The following CNR2 variants were observed in gnomAD, a reference collection of about 807,000 sequenced individuals.
CNR2 encodes cannabinoid receptor 2.
For synonymous variants in CNR2, 172 were observed against 182.2 expected, an observed-to-expected ratio of 0.94 and a Z score of 0.45; for missense variants, 379 against 439.9, an observed-to-expected ratio of 0.86 and a Z score of 1.24.
chr1:23,902,788 C>CTA, intron 1 of CNR2: 1 of 1,422,706 alleles, frequency 7.0e-7, no homozygotes, highest in Non-Finnish European at 9.1e-7. Context: ...GTGTGGGCTG[C>CTA]GCGGGCGCGG....
At position 23,902,200 on chromosome 1, in the gene CNR2, G is replaced by A. The variant is rs145253736; in HGVS notation, c.-46+11046C>T. 339 of 1,349,520 alleles carry A rather than the reference G, an allele frequency of 2.5e-4. No individual in the cohort carries two copies. In the African/African-American group the frequency reaches 3.7e-3, roughly 15 times the overall value. 83.6% of individuals were successfully genotyped at this position (1,349,520 alleles called of 1,614,324 possible). On this transcript the variant is annotated intron_variant, in intron 1 of 1. Transcript: ENST00000374472. Reference sequence around the variant, plus strand: ...GTTCAGGACGGCCTTGAAGACCACCGCCTCCTGGTGTTGAGGGCCTCCCGA... The same window carrying A: ...GTTCAGGACGGCCTTGAAGACCACCACCTCCTGGTGTTGAGGGCCTCCCGA...
At chr1:23,876,930 T>C (rs1382823788) in intron 1 of CNR2, among the ~76,000 whole-genome samples, 1 of 152,020 alleles carries the variant, frequency 6.6e-6, no homozygotes, top group African/African-American at 2.4e-5. Flanking sequence ...AACCTAGATA[T>C]TGTACGGTTT....
chr1:23,913,190 CA>C, intron 1 of CNR2, 55 bp downstream of exon 1: 1 of 171,112 alleles, frequency 5.8e-6, no homozygotes, highest in Admixed American at 6.3e-5. Flanking sequence ...AAAAAGAATA[CA>C]GGTGTTGGGG....
intron 1 of CNR2, among the ~76,000 whole-genome samples, chr1:23,893,876 C>A (rs537972508): frequency 6.6e-6 from 1 of 152,256 alleles, no homozygotes; most frequent in East Asian, 1.9e-4. Flanking sequence ...GTAGTCCCAG[C>A]ACTTTGGGAG....
intron 1 of CNR2, among the ~76,000 whole-genome samples, chr1:23,905,189 TC>T (rs1640468344): frequency 6.8e-6 from 1 of 148,016 alleles, no homozygotes; most frequent in African/African-American, 2.6e-5. Flanking sequence ...TTCTTTTCTT[TC>T]TTTTTTTTTT....
intron 1 of CNR2, among the ~76,000 whole-genome samples, chr1:23,877,823 C>T (rs565511452): frequency 5.5e-4 from 82 of 149,356 alleles, no homozygotes; most frequent in African/African-American, 1.8e-3. Flanking sequence ...TAGCCGGGCA[C>T]GATGGTGGAC....
chr1:23,909,140 C>A (rs114666324), intron 1 of CNR2, among the ~76,000 whole-genome samples: 1 of 152,054 alleles, frequency 6.6e-6, no homozygotes. Context: ...TTCACTCCCT[C>A]GCCTGCTGGG....
At chr1:23,904,217 G>A (rs1437503330) in intron 1 of CNR2, among the ~76,000 whole-genome samples, 1 of 148,212 alleles carries the variant, frequency 6.7e-6, no homozygotes, top group Non-Finnish European at 1.5e-5. Context: ...CTGTCACCCA[G>A]GCTGGAGTGC....
At chr1:23,907,500 C>CT (rs1277372035) in intron 1 of CNR2, among the ~76,000 whole-genome samples, 8 of 146,716 alleles carry the variant, frequency 5.5e-5, no homozygotes, top group African/African-American at 1.7e-4. Context: ...ATTTTCTTTT[C>CT]TTTTTTTTGA....
chr1:23,907,503 T>C (rs980246892), intron 1 of CNR2, among the ~76,000 whole-genome samples: 2 of 152,078 alleles, frequency 1.3e-5, no homozygotes, highest in African/African-American at 4.8e-5. Flanking sequence ...TTCTTTTCTT[T>C]TTTTTGAGGT....
At chr1:23,907,937 G>A (rs546360366) in intron 1 of CNR2, 14 of 146,678 alleles carry the variant, frequency 9.5e-5, no homozygotes, top group Non-Finnish European at 1.9e-4. Flanking sequence ...TAATTGCCTG[G>A]TTGTGAGTCA....
chr1:23,888,927 C>A lies in CNR2; in HGVS notation c.-45-13265G>T, dbSNP rs574857622. On this transcript the variant is annotated intron_variant, in intron 1 of 1. Transcript: ENST00000374472. ...GAGGTTGCAGTGAGCTGAGATTGCG[C>A]CACTGCACTCCAGCCTGGGCAATAA... Among the ~76,000 whole-genome samples the A allele has an allele frequency of 5.9e-5, 9 of 152,098 alleles. No homozygotes were observed. The South Asian group carries it at 1.7e-3, about 28-fold the overall frequency.
At chr1:23,886,604 A>T (rs1557527018) in intron 1 of CNR2, among the ~76,000 whole-genome samples, 1 of 152,248 alleles carries the variant, frequency 6.6e-6, no homozygotes, top group Non-Finnish European at 1.5e-5. Flanking sequence ...ACATGGAGTA[A>T]GCCATATCTT....
chr1:23,872,604 G>A lies in CNR2; in HGVS notation c.*1931C>T, dbSNP rs898063176. On this transcript the variant is annotated 3_prime_UTR_variant, in exon 2 of 2. Transcript: ENST00000374472. ...GAACTAGGTTGGAGACCTCAGCTCT[G>A]GTACTTAGCAGGGTGACCTTAGACA... 1 of 152,174 alleles carries A rather than the reference G, an allele frequency of 6.6e-6. No individual in the cohort carries two copies. Among genetic ancestry groups the A allele is most frequent in the East Asian group, 1.9e-4 (1 of 5,178 alleles). The allele number at this position is 152,174 out of a possible 1,614,324, so 9.4% of individuals were successfully genotyped here. A position where few individuals can be genotyped will look rare whatever the true frequency, so the allele number is the denominator to read the frequency against.
chr1:23,875,537 G>A lies in CNR2; in HGVS notation c.81C>T (p.Ile27=), dbSNP rs1451869030. ...CAGCTGTCTTCTGGGGACCACTCAG[G>A]ATCATGTAATCCTTCATAGGGTTGG... The part of the protein sequence containing the change: ...LDSNPMKDYM[I]LSGPQKTAVA... The change falls in exon 2 of 2, where the codon ATC becomes ATT. Residue 27 remains isoleucine, a synonymous_variant. Transcript: ENST00000374472. 2 of 1,614,090 alleles carry A rather than the reference G, an allele frequency of 1.2e-6. No homozygotes were observed. Among genetic ancestry groups the A allele is most frequent in the Non-Finnish European group, 1.7e-6 (2 of 1,180,032 alleles).
intron 1 of CNR2, among the ~76,000 whole-genome samples, chr1:23,885,268 TAA>T (rs55868105): frequency 2.1e-4 from 30 of 143,270 alleles, no homozygotes; most frequent in African/African-American, 2.3e-4. Context: ...ACCATCTCCT[TAA>T]AAAAAAAAAA....
chr1:23,896,045 G>C (rs1640277283), intron 1 of CNR2, among the ~76,000 whole-genome samples: 2 of 151,642 alleles, frequency 1.3e-5, no homozygotes, highest in South Asian at 4.1e-4. Flanking sequence ...TTTACTTTTT[G>C]TAGAGATGGG....
chr1:23,874,500 C>T lies in CNR2; in HGVS notation c.*35G>A, dbSNP rs1639828708. The T allele has an allele frequency of 6.3e-7, 1 of 1,584,416 alleles. No individual in the cohort carries two copies. The highest frequency in any genetic ancestry group is 1.1e-5 in the South Asian group (1 of 88,034). On this transcript the variant is annotated 3_prime_UTR_variant, in exon 2 of 2. Coordinates refer to ENST00000374472, the MANE Select transcript of CNR2 (RefSeq NM_001841.3). ...TCTCTTCCAGGGAGTGAACTGATTT[C>T]TGACTTGAGTTGTTTAAATTGGGAA...
At chr1:23,885,993 A>G (rs200378634) in intron 1 of CNR2, among the ~76,000 whole-genome samples, 61 of 146,442 alleles carry the variant, frequency 4.2e-4, no homozygotes, top group Middle Eastern at 3.8e-3. Flanking sequence ...TTTGAGACCA[A>G]CCTGGCCAAC....
Sources: gnomAD v4.1 joint callset for allele counts (sites outside exome capture counted in the v4.1 genomes callset) on GRCh38, gnomAD v4.1.1 for gene constraint, MANE v1.5 for transcripts, NCBI Gene and HGNC (gene_info 2026-07-23, HGNC 2026-07-21) for gene names.